TMEFF1: variants seen among roughly 807,000 people sequenced by gnomAD.
TMEFF1 encodes transmembrane protein with EGF like and two follistatin like domains 1.
Under a neutral mutation model 47.5 loss-of-function variants are expected in TMEFF1, and 20 were observed. The ratio of observed to expected loss-of-function variants is 0.42; its 90% CI spans 0.30 to 0.61. The LOEUF (loss-of-function observed/expected upper bound fraction) is 0.61, where lower values mean the gene tolerates loss of function less well. TMEFF1 is among the 20% of genes least tolerant of loss of function. The pLI, the probability that TMEFF1 is intolerant of heterozygous loss-of-function variation, is 0.19. For synonymous variants in TMEFF1, 162 were observed against 166.3 expected (o/e 0.97, Z 0.20); for missense variants, 411 against 471.1 (o/e 0.87, Z 1.18).
chr9:100,554,855 C>G (rs1448570573), intron 7 of TMEFF1, among the ~76,000 whole-genome samples: 1 of 152,038 alleles, frequency 6.6e-6, no homozygotes, highest in Non-Finnish European at 1.5e-5. Flanking sequence ...CCTAGGGTTA[C>G]TGATGCAGTG....
At chr9:100,508,906 G>A (rs1837911806) in intron 2 of TMEFF1, 99 bp from the exon 3 acceptor site, 6 of 1,280,820 alleles carry the variant, frequency 4.7e-6, no homozygotes, top group East Asian at 2.9e-5. Flanking sequence ...ATTCAGTAGC[G>A]AAGTATGTCA....
chr9:100,477,528 C>G (rs1016131302), intron 1 of TMEFF1, among the ~76,000 whole-genome samples: 2 of 151,338 alleles, frequency 1.3e-5, no homozygotes, highest in Non-Finnish European at 2.9e-5. Context: ...TCTCATTTTA[C>G]TGTATTCGAA....
At chr9:100,489,491 T>G (rs1394908655) in intron 1 of TMEFF1, among the ~76,000 whole-genome samples, 1 of 152,234 alleles carries the variant, frequency 6.6e-6, no homozygotes, top group Non-Finnish European at 1.5e-5. Flanking sequence ...GCACCCTGCC[T>G]ACATAATTTT....
chr9:100,515,251 C>T (rs1247063470), intron 4 of TMEFF1, among the ~76,000 whole-genome samples: 2 of 151,864 alleles, frequency 1.3e-5, no homozygotes, highest in African/African-American at 2.4e-5. Context: ...GTGGTTTGCC[C>T]CAGTTAATAT....
chr9:100,565,835 C>G (rs1159900852), intron 8 of TMEFF1, among the ~76,000 whole-genome samples: 1 of 152,172 alleles, frequency 6.6e-6, no homozygotes, highest in Non-Finnish European at 1.5e-5. Flanking sequence ...ACTCCTCATT[C>G]TCATTCCCAC....
intron 5 of TMEFF1, among the ~76,000 whole-genome samples, chr9:100,533,751 G>A (rs746458044): frequency 5.3e-5 from 8 of 151,350 alleles, no homozygotes; most frequent in Admixed American, 1.3e-4. Context: ...ACAGAGTCTC[G>A]CTCAGTCGCC....
intron 5 of TMEFF1, among the ~76,000 whole-genome samples, chr9:100,517,838 G>A (rs1484780886): frequency 6.6e-6 from 1 of 152,142 alleles, no homozygotes; most frequent in East Asian, 1.9e-4. Context: ...GAGCAATATG[G>A]ACTTACAGAG....
chr9:100,484,395 G>A (rs1025106396), intron 1 of TMEFF1, among the ~76,000 whole-genome samples: 5 of 150,838 alleles, frequency 3.3e-5, no homozygotes, highest in Admixed American at 6.6e-5. Flanking sequence ...TTGGCTCACC[G>A]CAACCTCTGC....
chr9:100,474,011 G>C (rs1291794270), intron 1 of TMEFF1, among the ~76,000 whole-genome samples: 1 of 151,962 alleles, frequency 6.6e-6, no homozygotes. Flanking sequence ...GGCCGGGGCC[G>C]GGGCCGGCGA....
intron 8 of TMEFF1, among the ~76,000 whole-genome samples, chr9:100,570,173 T>G (rs1839206133): frequency 6.6e-6 from 1 of 152,192 alleles, no homozygotes; most frequent in African/African-American, 2.4e-5. Context: ...TTTTATCCAT[T>G]TATTTGTTAA....
intron 1 of TMEFF1, among the ~76,000 whole-genome samples, chr9:100,493,819 C>G (rs1439153280): frequency 6.6e-6 from 1 of 152,170 alleles, no homozygotes; most frequent in African/African-American, 2.4e-5. Context: ...AAAGAACATT[C>G]AGAAGATGAT....
At position 100,540,476 on chromosome 9, in the gene TMEFF1, C is replaced by T. The variant is rs140028431; in HGVS notation, c.561-7268C>T. ...CTGATGAAGCCCAGCAGGCACCAGC[C>T]GGCCTTGCCAAGTGCCCACCCGTGC... On this transcript the variant is annotated intron_variant, in intron 5 of 9. Transcript: ENST00000374879. 6.6e-3 allele frequency among the ~76,000 whole-genome samples: 1,003 copies of T among 152,350 alleles called. 12 individuals are homozygous for T. Among genetic ancestry groups the T allele is most frequent in the African/African-American group, 0.022 (910 of 41,582 alleles).
At chr9:100,506,708 A>G (rs1410190488) in intron 2 of TMEFF1, among the ~76,000 whole-genome samples, 2 of 147,858 alleles carry the variant, frequency 1.4e-5, no homozygotes, top group Non-Finnish European at 1.5e-5. Flanking sequence ...TGGAGCTTCC[A>G]GTGAGCCGAG....
At chr9:100,554,467 C>A (rs1026570269) in intron 7 of TMEFF1, among the ~76,000 whole-genome samples, 1 of 151,752 alleles carries the variant, frequency 6.6e-6, no homozygotes, top group Non-Finnish European at 1.5e-5. Flanking sequence ...GGAAGGGAAT[C>A]TAGGAAGTAA....
intron 1 of TMEFF1, among the ~76,000 whole-genome samples, chr9:100,484,408 C>G (rs1478796500): frequency 6.6e-6 from 1 of 151,832 alleles, no homozygotes; most frequent in Non-Finnish European, 1.5e-5. Context: ...ACCTCTGCCT[C>G]CTGGGTTCAA....
At chr9:100,559,439 G>T (rs553081586) in intron 7 of TMEFF1, among the ~76,000 whole-genome samples, 87 of 152,112 alleles carry the variant, frequency 5.7e-4, no homozygotes, top group Non-Finnish European at 1.0e-3. Flanking sequence ...TACTAGGCTC[G>T]TGTGGCTATT....
chr9:100,567,162 T>C (rs1839141130), intron 8 of TMEFF1, among the ~76,000 whole-genome samples: 1 of 152,118 alleles, frequency 6.6e-6, no homozygotes, highest in Non-Finnish European at 1.5e-5. Flanking sequence ...CCTCACCCCC[T>C]CTTCTGCAGC....
intron 8 of TMEFF1, among the ~76,000 whole-genome samples, chr9:100,570,016 A>G (rs894039924): frequency 6.6e-6 from 1 of 152,188 alleles, no homozygotes; most frequent in African/African-American, 2.4e-5. Context: ...TAGGTTCCAC[A>G]TATGAGTGGG....
At chr9:100,516,836 G>A (rs1838083228) in intron 5 of TMEFF1, 65 bp downstream of exon 5, 1 of 1,546,422 alleles carries the variant, frequency 6.5e-7, no homozygotes, top group Non-Finnish European at 8.7e-7. Context: ...ATTATATTGT[G>A]GAAAGGTATC....
Sources: allele counts gnomAD v4.1 joint callset (sites outside exome capture counted in the v4.1 genomes callset), GRCh38; gene constraint gnomAD v4.1.1; transcripts MANE v1.5; gene names NCBI Gene and HGNC (gene_info 2026-07-23, HGNC 2026-07-21).